The following SYT9 variants were observed in gnomAD, a reference collection of about 807,000 sequenced individuals.
SYT9 encodes the protein synaptotagmin 9.
In SYT9, 22 loss-of-function variants were observed where a neutral mutation model predicts 48.4. That is an observed-to-expected ratio of 0.45 (90% CI 0.32 to 0.65). SYT9 has a LOEUF of 0.65. Ranked by LOEUF, SYT9 falls within the 30% of genes least tolerant of loss-of-function variation. The probability of loss-of-function intolerance (pLI) is 0.03; values close to 1 mark genes in which losing one functional copy is unlikely to be tolerated. For synonymous variants in SYT9, 265 were observed against 245.0 expected (o/e 1.08, Z -0.76); for missense variants, 577 against 622.0 (o/e 0.93, Z 0.77).
At chr11:7,277,055 A>G (rs901367992) in intron 1 of SYT9, among the ~76,000 whole-genome samples, 6 of 140,432 alleles carry the variant, frequency 4.3e-5, no homozygotes, top group Non-Finnish European at 8.0e-5. Flanking sequence ...CTCTATCTCA[A>G]AAAACAAAAA....
chr11:7,393,572 G>GT (rs1846681567), intron 3 of SYT9, among the ~76,000 whole-genome samples: 2 of 151,782 alleles, frequency 1.3e-5, no homozygotes, highest in African/African-American at 4.8e-5. Flanking sequence ...CTTTTTTGTT[G>GT]TTTTGTCTTT....
intron 1 of SYT9, among the ~76,000 whole-genome samples, chr11:7,262,283 C>G (rs1198193616): frequency 6.6e-6 from 1 of 152,056 alleles, no homozygotes; most frequent in Non-Finnish European, 1.5e-5. Context: ...ACCAGCAGCT[C>G]AGTTCTTGAT....
rs567618399 is a variant in SYT9, at chr11:7,421,085, A to G, written c.1467+450A>G. Reference sequence around the variant, plus strand: ...TTAGTATCAGGTTCAACTACATATAATAAAAACCAAAACAACCAATTATAA... The same window carrying G: ...TTAGTATCAGGTTCAACTACATATAGTAAAAACCAAAACAACCAATTATAA... On this transcript the variant is annotated intron_variant, in intron 6 of 6. Coordinates refer to ENST00000318881, the MANE Select transcript of SYT9 (RefSeq NM_175733.4). Among the ~76,000 whole-genome samples, 10 of 152,328 alleles carry G rather than the reference A, an allele frequency of 6.6e-5. No individual in the cohort carries two copies. In the South Asian group the frequency reaches 2.1e-3, roughly 32 times the overall value.
chr11:7,453,918 C>T (rs1848103733), intron 6 of SYT9: 1 of 889,662 alleles, frequency 1.1e-6, no homozygotes, highest in African/African-American at 1.8e-5. Flanking sequence ...ATCTCAGTCG[C>T]CCTCCTCAGG....
intron 6 of SYT9, among the ~76,000 whole-genome samples, chr11:7,463,024 G>A (rs1430254666): frequency 6.6e-6 from 1 of 152,198 alleles, no homozygotes; most frequent in Non-Finnish European, 1.5e-5. Context: ...AGATCCTTAT[G>A]TCTCAGGACA....
Position 7,401,542 on chromosome 11 carries a change from G to A in SYT9, c.1045-14500G>A, listed in dbSNP as rs76083780. Among the ~76,000 whole-genome samples, 1,180 of 151,618 alleles carry A rather than the reference G, an allele frequency of 7.8e-3. 7 individuals are homozygous for A. The highest frequency in any genetic ancestry group is 0.012 in the Non-Finnish European group (822 of 67,750). ...AGTATTCTTTGTTGGAAGGTTTTTA[G>A]CAATGACTTTAATTTCTTTAGTAGA... On this transcript the variant is annotated intron_variant, in intron 3 of 6. Coordinates refer to ENST00000318881, the MANE Select transcript of SYT9 (RefSeq NM_175733.4).
At chr11:7,249,337 C>G (rs1232233786), upstream of SYT9, among the ~76,000 whole-genome samples, 1 of 152,156 alleles carries the variant, frequency 6.6e-6, no homozygotes, top group Admixed American at 6.5e-5. Flanking sequence ...TCTACACATT[C>G]TGTTGAATAA....
chr11:7,436,456 G>A (rs548484997), intron 6 of SYT9, among the ~76,000 whole-genome samples: 1 of 152,264 alleles, frequency 6.6e-6, no homozygotes, highest in African/African-American at 2.4e-5. Flanking sequence ...TTGCTTAGTC[G>A]GATCTCAGAC....
chr11:7,249,612 C>G (rs534773610), upstream of SYT9, among the ~76,000 whole-genome samples: 1 of 152,168 alleles, frequency 6.6e-6, no homozygotes, highest in Non-Finnish European at 1.5e-5. Context: ...TTTAGCACCT[C>G]GTACATTGTA....
intron 6 of SYT9, among the ~76,000 whole-genome samples, chr11:7,450,060 C>A (rs1210847324): frequency 1.3e-5 from 2 of 152,184 alleles, no homozygotes; most frequent in Non-Finnish European, 2.9e-5. Context: ...GTTACATTTT[C>A]TACTCTATCC....
chr11:7,307,227 C>A (rs2133943398), intron 2 of SYT9, among the ~76,000 whole-genome samples: 1 of 152,298 alleles, frequency 6.6e-6, no homozygotes, highest in African/African-American at 2.4e-5. Flanking sequence ...TGACTGGCCA[C>A]AACTCAAGTA....
intron 3 of SYT9, among the ~76,000 whole-genome samples, chr11:7,334,579 G>A (rs941619385): frequency 3.9e-5 from 6 of 151,952 alleles, no homozygotes; most frequent in Non-Finnish European, 5.9e-5. Context: ...AATAATGAAC[G>A]TATCTGTCAC....
At chr11:7,262,550 A>T (rs1180269023) in intron 1 of SYT9, among the ~76,000 whole-genome samples, 2 of 152,146 alleles carry the variant, frequency 1.3e-5, no homozygotes, top group African/African-American at 4.8e-5. Flanking sequence ...ACAAAGGAAG[A>T]TTAATGAAGA....
chr11:7,440,392 A>T (rs1334080138), intron 6 of SYT9: 1 of 152,236 alleles, frequency 6.6e-6, no homozygotes, highest in East Asian at 1.9e-4. Flanking sequence ...AGTGTAAAAA[A>T]AATGCTGTGT....
rs1491139330 is a variant in SYT9 at position 7,455,335 on chromosome 11, T to TTA, written c.1468-11456_1468-11455insAT. On this transcript the variant is annotated intron_variant, in intron 6 of 6. Coordinates refer to ENST00000318881, the MANE Select transcript of SYT9 (RefSeq NM_175733.4). ...ATACAACATTCCAATGTTTAAGCTA[T>TTA]TTTTTTTTTTTTTTTTGAGACAGAT... 1.3e-4 allele frequency among the ~76,000 whole-genome samples: 6 copies of TTA among 47,904 alleles called. No homozygotes were observed. In the African/African-American group the frequency reaches 1.5e-3, roughly 12 times the overall value. 31.4% of individuals were successfully genotyped at this position (47,904 alleles called of 152,430 possible).
At chr11:7,449,174 T>C (rs1472036817) in intron 6 of SYT9, among the ~76,000 whole-genome samples, 2 of 151,672 alleles carry the variant, frequency 1.3e-5, no homozygotes, top group Non-Finnish European at 2.9e-5. Flanking sequence ...CAAAACCCTG[T>C]CTCTACTAAA....
chr11:7,449,635 A>G (rs563215450), intron 6 of SYT9, among the ~76,000 whole-genome samples: 2 of 152,236 alleles, frequency 1.3e-5, no homozygotes, highest in Admixed American at 6.5e-5. Flanking sequence ...TAGGGACAAG[A>G]AAAGCAACTG....
chr11:7,318,744 T>G (rs1338457670), intron 3 of SYT9, among the ~76,000 whole-genome samples: 1 of 152,244 alleles, frequency 6.6e-6, no homozygotes, highest in South Asian at 2.1e-4. Flanking sequence ...TTTTACTCCT[T>G]TAATCTGCTA....
chr11:7,251,915 T>G lies in SYT9; in HGVS notation c.-272T>G. The G allele has an allele frequency of 2.7e-6, 1 of 371,524 alleles. No homozygotes were observed. Among genetic ancestry groups the G allele is most frequent in the Non-Finnish European group, 4.8e-6 (1 of 207,778 alleles). The allele number at this position is 371,524 out of a possible 1,614,324, so 23.0% of individuals were successfully genotyped here. The stretch of plus-strand genomic sequence containing the variant: ...GCAAGCAGAGAGGCGCTCTGGGCTG[T>G]GCGGCACCGCCTCTCCTCGGTGTCT... On this transcript the variant is annotated 5_prime_UTR_variant, in exon 1 of 7. Coordinates refer to ENST00000318881, the MANE Select transcript of SYT9 (RefSeq NM_175733.4).
Sources: gnomAD v4.1 joint callset for allele counts (sites outside exome capture counted in the v4.1 genomes callset) on GRCh38, gnomAD v4.1.1 for gene constraint, MANE v1.5 for transcripts, NCBI Gene and HGNC (gene_info 2026-07-23, HGNC 2026-07-21) for gene names.